The following BORCS5 variants were observed in gnomAD, a reference collection of about 807,000 sequenced individuals.
The protein encoded by BORCS5 is BLOC-1-related complex subunit 5.
Under a neutral mutation model 22.1 loss-of-function variants are expected in BORCS5, and 17 were observed. That is an observed-to-expected ratio of 0.77 (90% CI 0.53 to 1.15). The LOEUF is 1.15. Among genes scored for constraint, BORCS5 ranks in the 50% most tolerant of loss-of-function variants. The pLI is 0.00. For missense variants in BORCS5, 247 were observed against 253.2 expected, an observed-to-expected ratio of 0.98 and a Z score of 0.17; for synonymous variants, 117 against 99.8, an observed-to-expected ratio of 1.17 and a Z score of -1.03.
intron 2 of BORCS5, among the ~76,000 whole-genome samples, chr12:12,395,335 T>C (rs775415852): frequency 9.4e-4 from 143 of 151,836 alleles, no homozygotes; most frequent in Middle Eastern, 3.4e-3. Flanking sequence ...AGTGGTGTGA[T>C]CTCTGCCACT....
chr12:12,357,287 G>T lies in BORCS5; in HGVS notation c.-165G>T. ...GGCCTCTCCTTCTCCCGCCGCCCAG[G>T]CCCCTGCGTGGGCTGGACGCGTCAG... On this transcript the variant is annotated 5_prime_UTR_variant, in exon 1 of 4. Coordinates refer to ENST00000314565, the MANE Select transcript of BORCS5 (RefSeq NM_058169.6). 1 of 1,455,396 alleles carries T rather than the reference G, an allele frequency of 6.9e-7. No individual in the cohort carries two copies. Among genetic ancestry groups the T allele is most frequent in the Non-Finnish European group, 9.1e-7 (1 of 1,104,324 alleles). The allele number at this position is 1,455,396 out of a possible 1,614,324, so 90.2% of individuals were successfully genotyped here. A position where few individuals can be genotyped will look rare whatever the true frequency, so the allele number is the denominator to read the frequency against.
At chr12:12,388,662 G>A (rs749476139) in intron 2 of BORCS5, among the ~76,000 whole-genome samples, 2 of 149,442 alleles carry the variant, frequency 1.3e-5, no homozygotes, top group Non-Finnish European at 3.0e-5. Context: ...TAAGTGGGGT[G>A]GGGGGGACAT....
At chr12:12,409,534 C>T (rs1941671002) in intron 2 of BORCS5, among the ~76,000 whole-genome samples, 2 of 152,096 alleles carry the variant, frequency 1.3e-5, no homozygotes, top group Non-Finnish European at 2.9e-5. Flanking sequence ...CCAGCTTCAT[C>T]CATGTCCCTA....
chr12:12,418,152 T>A (rs960350028), intron 2 of BORCS5, among the ~76,000 whole-genome samples: 2 of 151,504 alleles, frequency 1.3e-5, no homozygotes, highest in African/African-American at 2.4e-5. Flanking sequence ...GCTTCCTGAG[T>A]AGCTGGGACT....
At chr12:12,411,779 C>T (rs1941742081) in intron 2 of BORCS5, among the ~76,000 whole-genome samples, 1 of 152,096 alleles carries the variant, frequency 6.6e-6, no homozygotes, top group African/African-American at 2.4e-5. Flanking sequence ...ACATTTAGGT[C>T]ATGGATTCAT....
chr12:12,408,810 A>G (rs1941650078), intron 2 of BORCS5, among the ~76,000 whole-genome samples: 1 of 152,226 alleles, frequency 6.6e-6, no homozygotes, highest in African/African-American at 2.4e-5. Context: ...TTTTTAAGGA[A>G]TGCCTCATTT....
At chr12:12,436,024 TG>T in intron 3 of BORCS5, 1 of 428,878 alleles carries the variant, frequency 2.3e-6, no homozygotes, top group Non-Finnish European at 4.1e-6. Flanking sequence ...AGTTTCCTCA[TG>T]TGAAAAATGG....
chr12:12,408,002 C>T (rs537717680), intron 2 of BORCS5, among the ~76,000 whole-genome samples: 1 of 152,276 alleles, frequency 6.6e-6, no homozygotes, highest in East Asian at 1.9e-4. Flanking sequence ...AGCCACCGCG[C>T]CTGGCCAAAT....
At chr12:12,434,619 T>TA (rs1199351616) in intron 2 of BORCS5, among the ~76,000 whole-genome samples, 2 of 152,194 alleles carry the variant, frequency 1.3e-5, no homozygotes, top group African/African-American at 4.8e-5. Flanking sequence ...AGGCAGACAT[T>TA]AAAAAGACAT....
At chr12:12,379,737 A>G (rs1041251850) in intron 2 of BORCS5, among the ~76,000 whole-genome samples, 1 of 151,326 alleles carries the variant, frequency 6.6e-6, no homozygotes, top group African/African-American at 2.4e-5. Flanking sequence ...TTGATTGTCT[A>G]TCCAGACCAT....
chr12:12,425,889 T>G (rs1388689751), intron 2 of BORCS5, among the ~76,000 whole-genome samples: 1 of 152,204 alleles, frequency 6.6e-6, no homozygotes. Flanking sequence ...CCTGCTTAAT[T>G]GACTACTACA....
chr12:12,436,333 G>C (rs190363654), intron 3 of BORCS5, among the ~76,000 whole-genome samples: 35 of 152,348 alleles, frequency 2.3e-4, no homozygotes, highest in African/African-American at 7.0e-4. Context: ...TGTAATTCAT[G>C]TGAAAGTACT....
At chr12:12,424,978 T>C (rs1235511438) in intron 2 of BORCS5, among the ~76,000 whole-genome samples, 3 of 152,206 alleles carry the variant, frequency 2.0e-5, no homozygotes, top group African/African-American at 7.2e-5. Context: ...TGGGAAGACC[T>C]TGCAGCAGTG....
chr12:12,388,931 A>G (rs927972013), intron 2 of BORCS5, among the ~76,000 whole-genome samples: 2 of 151,088 alleles, frequency 1.3e-5, no homozygotes, highest in Non-Finnish European at 3.0e-5. Flanking sequence ...AAGTTCTCGC[A>G]AGAGGCTACA....
intron 2 of BORCS5, among the ~76,000 whole-genome samples, chr12:12,430,230 A>C (rs1478397130): frequency 7.1e-6 from 1 of 140,032 alleles, no homozygotes; most frequent in Non-Finnish European, 1.5e-5. Context: ...GGCTCACTGC[A>C]AGCTCTGCCT....
At chr12:12,417,941 T>C (rs1942010979) in intron 2 of BORCS5, among the ~76,000 whole-genome samples, 1 of 147,564 alleles carries the variant, frequency 6.8e-6, no homozygotes, top group African/African-American at 2.4e-5. Flanking sequence ...CACACTTGAT[T>C]TGAATATTTA....
intron 2 of BORCS5, among the ~76,000 whole-genome samples, chr12:12,366,145 T>TA (rs1863402034): frequency 6.6e-6 from 1 of 152,228 alleles, no homozygotes; most frequent in South Asian, 2.1e-4. Flanking sequence ...CTCAAAATAG[T>TA]AAAAAGGCCA....
chr12:12,430,872 G>T (rs1472693798), intron 2 of BORCS5, among the ~76,000 whole-genome samples: 1 of 152,008 alleles, frequency 6.6e-6, no homozygotes, highest in Non-Finnish European at 1.5e-5. Context: ...TTTATCTTAT[G>T]GAGGTTTTTT....
At chr12:12,359,953 A>G (rs1398420086) in intron 1 of BORCS5, among the ~76,000 whole-genome samples, 2 of 152,138 alleles carry the variant, frequency 1.3e-5, no homozygotes, top group Non-Finnish European at 2.9e-5. Context: ...AGGGAGATAT[A>G]TATATATATC....
Sources: gnomAD v4.1 joint callset for allele counts (sites outside exome capture counted in the v4.1 genomes callset) on GRCh38, gnomAD v4.1.1 for gene constraint, MANE v1.5 for transcripts, NCBI Gene and HGNC (gene_info 2026-07-23, HGNC 2026-07-21) for gene names.